The following UGT2B17 variants were observed in gnomAD, a reference collection of about 807,000 sequenced individuals.
UGT2B17 encodes UDP-glucuronosyltransferase 2B17.
A neutral mutation model predicts 48.2 loss-of-function variants in UGT2B17; 21 were observed. That is an observed-to-expected ratio of 0.44 (90% CI 0.31 to 0.63). The LOEUF (loss-of-function observed/expected upper bound fraction) is 0.63. Among genes scored for constraint, UGT2B17 ranks in the 20% least tolerant of loss-of-function variants. The pLI is 0.08. For missense variants in UGT2B17, 402 were observed against 696.1 expected, an observed-to-expected ratio of 0.58 and a Z score of 4.75; for synonymous variants, 146 against 238.4, an observed-to-expected ratio of 0.61 and a Z score of 3.57.
chr4:68,563,160 C>T (rs1346562862), intron 3 of UGT2B17, among the ~76,000 whole-genome samples: 1 of 127,008 alleles, frequency 7.9e-6, no homozygotes, highest in Non-Finnish European at 1.7e-5. Flanking sequence ...TGGCAAGAGT[C>T]TTATTCTTTT....
chr4:68,547,506 T>C (rs1730837022), intron 6 of UGT2B17, among the ~76,000 whole-genome samples: 1 of 124,320 alleles, frequency 8.0e-6, no homozygotes, highest in Non-Finnish European at 1.7e-5. Flanking sequence ...ATTCAGGACA[T>C]AGGCATGGGC....
intron 1 of UGT2B17, among the ~76,000 whole-genome samples, chr4:68,569,876 G>A (rs1444391512): frequency 1.6e-5 from 2 of 126,398 alleles, no homozygotes; most frequent in African/African-American, 2.7e-5. Context: ...AAAACAGCAC[G>A]CTGCTCCGCA....
rs1188115760 is a variant in UGT2B17, at chr4:68,571,530, G to T, written c.-64-2982C>A. Among the ~76,000 whole-genome samples, 3 of 126,604 alleles carry T rather than the reference G, an allele frequency of 2.4e-5. 1 individual carries two copies. The highest frequency in any genetic ancestry group is 5.0e-5 in the Non-Finnish European group (3 of 59,638). 83.1% of individuals were successfully genotyped at this position (126,604 alleles called of 152,430 possible). A position where few individuals can be genotyped will look rare whatever the true frequency, so the allele number is the denominator to read the frequency against. ...ACTGTTTTTGTGGTACTATTATAGA[G>T]CTTTTGTCTAAGACAGCTAAGCTGC... On this transcript the variant is annotated intron_variant, in intron 1 of 6. Coordinates refer to ENST00000317746, the MANE Select transcript of UGT2B17 (RefSeq NM_001077.4).
rs1417796930 is a variant in UGT2B17 at position 68,544,858 on chromosome 4, T to C, written c.1313+5819A>G. Among the ~76,000 whole-genome samples the C allele has an allele frequency of 8.0e-5, 10 of 125,782 alleles. 3 individuals are homozygous for C. Among genetic ancestry groups the C allele is most frequent in the East Asian group, 7.6e-4 (1 of 1,308 alleles). 82.5% of individuals were successfully genotyped at this position (125,782 alleles called of 152,430 possible). A position where few individuals can be genotyped will look rare whatever the true frequency, so the allele number is the denominator to read the frequency against. On this transcript the variant is annotated intron_variant, in intron 6 of 6. Transcript: ENST00000317746. ...CAAAAGAGACAAGGCCATTACATAA[T>C]GGTAAAGGGATCAATTCAACAAGAA...
rs1334351817 is a variant in UGT2B17, at chr4:68,548,353, C to T, written c.1313+2324G>A. On this transcript the variant is annotated intron_variant, in intron 6 of 6. Transcript: ENST00000317746. ...AAAAACCAAACACCGCATGTTCTCA[C>T]TCATAGGTGGGAATTGAACAATGAG... 1.6e-5 allele frequency among the ~76,000 whole-genome samples: 2 copies of T among 125,140 alleles called. 1 individual carries two copies. The highest frequency in any genetic ancestry group is 1.6e-3 in the East Asian group (2 of 1,276). 82.1% of individuals were successfully genotyped at this position (125,140 alleles called of 152,430 possible).
rs1241792217 is a variant in UGT2B17, at chr4:68,562,645, G to A, written c.874-1977C>T. Reference sequence around the variant, plus strand: ...CTCATTCTGTGACGTCTTTATGAAAGCAATGGTAATAGAAGATCAATGTAA... The same window carrying A: ...CTCATTCTGTGACGTCTTTATGAAAACAATGGTAATAGAAGATCAATGTAA... On this transcript the variant is annotated intron_variant, in intron 3 of 6. Transcript: ENST00000317746. Among the ~76,000 whole-genome samples the A allele has an allele frequency of 5.6e-5, 7 of 126,066 alleles. 3 individuals are homozygous for A. The highest frequency in any genetic ancestry group is 8.4e-5 in the Non-Finnish European group (5 of 59,684). The allele number at this position is 126,066 out of a possible 152,430, so 82.7% of individuals were successfully genotyped here.
At chr4:68,571,101 A>C (rs6552183) in intron 1 of UGT2B17, among the ~76,000 whole-genome samples, 1 of 124,128 alleles carries the variant, frequency 8.1e-6, no homozygotes, top group Admixed American at 8.3e-5. Flanking sequence ...GCTTGTAACC[A>C]TATGATTCGG....
intron 6 of UGT2B17, among the ~76,000 whole-genome samples, chr4:68,539,320 T>C (rs116826353): frequency 0.023 from 2,915 of 125,570 alleles, 607 homozygotes; most frequent in African/African-American, 0.075. Flanking sequence ...TTGAATTAAA[T>C]AATACTTATT....
chr4:68,550,409 A>T (rs1391030435), intron 6 of UGT2B17, among the ~76,000 whole-genome samples: 6 of 125,590 alleles, frequency 4.8e-5, no homozygotes, highest in Non-Finnish European at 8.4e-5. Flanking sequence ...TGTGTATTCT[A>T]TCATTAAAAA....
rs869200519 is a variant in UGT2B17 at position 68,539,783 on chromosome 4, CTT to C, written c.1314-1881_1314-1880del. 3.5e-4 allele frequency among the ~76,000 whole-genome samples: 33 copies of C among 93,728 alleles called. 2 individuals carry two copies. Among genetic ancestry groups the C allele is most frequent in the South Asian group, 5.5e-4 (1 of 1,812 alleles). 61.5% of individuals were successfully genotyped at this position (93,728 alleles called of 152,430 possible). On this transcript the variant is annotated intron_variant, in intron 6 of 6. Coordinates refer to ENST00000317746, the MANE Select transcript of UGT2B17 (RefSeq NM_001077.4). ...CCAGTAACTATTTCATACATATAATCTTTTTTTTTTTTTTTTTTTGAGACAGA... is the reference window on the plus strand; with the variant it reads ...CCAGTAACTATTTCATACATATAATCTTTTTTTTTTTTTTTTTGAGACAGA...
chr4:68,561,161 G>A lies in UGT2B17; in HGVS notation c.874-493C>T, dbSNP rs1198177775. On this transcript the variant is annotated intron_variant, in intron 3 of 6. Coordinates refer to ENST00000317746, the MANE Select transcript of UGT2B17 (RefSeq NM_001077.4). Reference sequence around the variant, plus strand: ...CCATTACATGACTATGAGCAATGAGGAAAAGTTAGTTACAATTAGAATGAT... The same window carrying A: ...CCATTACATGACTATGAGCAATGAGAAAAAGTTAGTTACAATTAGAATGAT... 3.2e-5 allele frequency among the ~76,000 whole-genome samples: 4 copies of A among 123,124 alleles called. 1 individual carries two copies. In the Admixed American group the frequency reaches 3.4e-4, roughly 10 times the overall value. 80.8% of individuals were successfully genotyped at this position (123,124 alleles called of 152,430 possible). A position where few individuals can be genotyped will look rare whatever the true frequency, so the allele number is the denominator to read the frequency against.
rs1358987581 is a variant in UGT2B17 at position 68,538,583 on chromosome 4, G to A, written c.1314-679C>T. Among the ~76,000 whole-genome samples the A allele has an allele frequency of 1.6e-5, 2 of 125,376 alleles. 1 individual carries two copies. The highest frequency in any genetic ancestry group is 3.4e-5 in the Non-Finnish European group (2 of 59,360). 82.3% of individuals were successfully genotyped at this position (125,376 alleles called of 152,430 possible). ...AGAATTGTGTCACAACTGGTGAAAT[G>A]TCTCCTAACTAGTTTCTCAGCTTCT... On this transcript the variant is annotated intron_variant, in intron 6 of 6. Coordinates refer to ENST00000317746, the MANE Select transcript of UGT2B17 (RefSeq NM_001077.4).
At chr4:68,545,881 T>C (rs1730793231) in intron 6 of UGT2B17, among the ~76,000 whole-genome samples, 1 of 125,564 alleles carries the variant, frequency 8.0e-6, no homozygotes, top group African/African-American at 2.7e-5. Flanking sequence ...CAGGAAGAAG[T>C]TGAATCTCTG....
rs1218708546 is a variant in UGT2B17 at position 68,572,376 on chromosome 4, T to A, written c.-65+3575A>T. Among the ~76,000 whole-genome samples, 8 of 126,828 alleles carry A rather than the reference T, an allele frequency of 6.3e-5. 2 individuals carry two copies. Among genetic ancestry groups the A allele is most frequent in the African/African-American group, 2.2e-4 (8 of 36,960 alleles). 83.2% of individuals were successfully genotyped at this position (126,828 alleles called of 152,430 possible). A position where few individuals can be genotyped will look rare whatever the true frequency, so the allele number is the denominator to read the frequency against. On this transcript the variant is annotated intron_variant, in intron 1 of 6. Coordinates refer to ENST00000317746, the MANE Select transcript of UGT2B17 (RefSeq NM_001077.4). ...TGTGATCATGGGAGGCTTAAAATTGTTCATAACACACATCAGGTTGGTTAT... is the reference window on the plus strand; with the variant it reads ...TGTGATCATGGGAGGCTTAAAATTGATCATAACACACATCAGGTTGGTTAT...
In UGT2B17 at chr4:68,559,583, T is replaced by A. The variant is rs180898275; in HGVS notation, c.1005+954A>T. ...ACAAGTGTTGTCCTTGTATTTGATA[T>A]GGGAGTGTTAAAGTAACTCTGTGTT... On this transcript the variant is annotated intron_variant, in intron 4 of 6. Coordinates refer to ENST00000317746, the MANE Select transcript of UGT2B17 (RefSeq NM_001077.4). Among the ~76,000 whole-genome samples the A allele has an allele frequency of 5.0e-4, 63 of 126,462 alleles. 14 individuals carry two copies. Among genetic ancestry groups the A allele is most frequent in the African/African-American group, 1.5e-3 (57 of 37,108 alleles). The allele number at this position is 126,462 out of a possible 152,430, so 83.0% of individuals were successfully genotyped here. A position where few individuals can be genotyped will look rare whatever the true frequency, so the allele number is the denominator to read the frequency against.
rs534953775 is a variant in UGT2B17 at position 68,573,618 on chromosome 4, C to T, written c.-65+2333G>A. Among the ~76,000 whole-genome samples, 18 of 125,974 alleles carry T rather than the reference C, an allele frequency of 1.4e-4. 4 individuals carry two copies. Among genetic ancestry groups the T allele is most frequent in the African/African-American group, 4.9e-4 (18 of 36,756 alleles). 82.6% of individuals were successfully genotyped at this position (125,974 alleles called of 152,430 possible). ...TTACGATGTGTTATTATTATTTTTT[C>T]CTTCCTCTGGTTGATGAAATGCCAG... On this transcript the variant is annotated intron_variant, in intron 1 of 6. Transcript: ENST00000317746.
At position 68,550,787 on chromosome 4, in the gene UGT2B17, A is replaced by T. The variant is rs1730900461; in HGVS notation, c.1203T>A (p.His401Gln). The T allele has an allele frequency of 7.2e-7, 1 of 1,388,082 alleles. No individual in the cohort carries two copies. The highest frequency in any genetic ancestry group is 9.4e-7 in the Non-Finnish European group (1 of 1,063,292). 86.0% of individuals were successfully genotyped at this position (1,388,082 alleles called of 1,614,324 possible). A position where few individuals can be genotyped will look rare whatever the true frequency, so the allele number is the denominator to read the frequency against. ...TGGCTTTCATGTGAGCAATGTTATC[A>T]TGTTGATCCGCAAACAAGGGAATGC... is the stretch of plus-strand genomic sequence containing the variant. ...MVGIPLFADQ[H>Q]DNIAHMKAKG... The change falls in exon 6 of 7, where the codon CAT becomes CAA. Residue 401 changes from histidine to glutamine, a missense_variant. Around this residue, in one of 5 missense-constraint regions of UGT2B17, gnomAD observed 156 missense variants for 258.6 expected, o/e 0.60. Coordinates refer to ENST00000317746, the MANE Select transcript of UGT2B17 (RefSeq NM_001077.4).
chr4:68,548,482 G>T (rs1730860495), intron 6 of UGT2B17, among the ~76,000 whole-genome samples: 1 of 124,540 alleles, frequency 8.0e-6, no homozygotes, highest in Non-Finnish European at 1.7e-5. Context: ...GTTAAATGAC[G>T]AGTTAATGGG....
rs1448450882 is a variant in UGT2B17 at position 68,570,545 on chromosome 4, C to T, written c.-64-1997G>A. ...TATAAAATAATCTGAGAGGGTCCTT[C>T]TCTTCCTTCATTCCCCCCTTTTGAG... On this transcript the variant is annotated intron_variant, in intron 1 of 6. Coordinates refer to ENST00000317746, the MANE Select transcript of UGT2B17 (RefSeq NM_001077.4). 4.8e-5 allele frequency among the ~76,000 whole-genome samples: 6 copies of T among 126,174 alleles called. 1 individual carries two copies. The highest frequency in any genetic ancestry group is 1.0e-4 in the Non-Finnish European group (6 of 59,508). 82.8% of individuals were successfully genotyped at this position (126,174 alleles called of 152,430 possible).
Sources: gnomAD v4.1 joint callset for allele counts (sites outside exome capture counted in the v4.1 genomes callset) on GRCh38, gnomAD v4.1.1 for gene constraint, gnomAD v4.1.1 regional missense constraint, MANE v1.5 for transcripts, NCBI Gene and HGNC (gene_info 2026-07-23, HGNC 2026-07-21) for gene names.